Variants in RPE observed in about 807,000 individuals in gnomAD.
RPE encodes the protein ribulose-5-phosphate-3-epimerase, also known as ribulose-phosphate 3-epimerase.
Under a neutral mutation model 24.6 loss-of-function variants are expected in RPE, and 16 were observed. That is an observed-to-expected ratio of 0.65 (90% CI 0.44 to 0.99). RPE has a LOEUF of 0.99. Among genes scored for constraint, RPE ranks in the 50% least tolerant of loss-of-function variants. RPE has a pLI of 0.00. For synonymous variants in RPE, 93 were observed against 98.4 expected (o/e 0.94, Z 0.33); for missense variants, 240 against 294.5 (o/e 0.81, Z 1.35).
At chr2:210,011,661 C>T (rs1036615141) in intron 2 of RPE, among the ~76,000 whole-genome samples, 5 of 151,834 alleles carry the variant, frequency 3.3e-5, no homozygotes, top group African/African-American at 1.2e-4. Context: ...TGGTTTTTCG[C>T]TTTTTGTTGT....
chr2:210,009,931 A>G (rs1163404930), intron 2 of RPE, among the ~76,000 whole-genome samples, 195 bp downstream of exon 2: 1 of 152,230 alleles, frequency 6.6e-6, no homozygotes, highest in Non-Finnish European at 1.5e-5. Flanking sequence ...ATGGAAAGGT[A>G]GTAGCTTGGC....
chr2:210,014,255 A>AT (rs1214956358), intron 2 of RPE, among the ~76,000 whole-genome samples: 1 of 151,594 alleles, frequency 6.6e-6, no homozygotes, highest in African/African-American at 2.4e-5. Context: ...CGCCCAGCTA[A>AT]TTTTTTTGTA....
At chr2:210,019,536 C>A in intron 5 of RPE, 133 bp from the exon 6 acceptor site, 2 of 1,076,920 alleles carry the variant, frequency 1.9e-6, no homozygotes, top group Non-Finnish European at 2.6e-6. Flanking sequence ...CTTAAGTCTG[C>A]TTAATCTCAA....
At chr2:210,009,530 TGA>T in intron 1 of RPE, 125 bp from the exon 2 acceptor site, 1 of 1,287,640 alleles carries the variant, frequency 7.8e-7, no homozygotes, top group Non-Finnish European at 1.1e-6. Context: ...TATTTAATAC[TGA>T]TGATTAAGTA....
intron 1 of RPE, among the ~76,000 whole-genome samples, chr2:210,004,723 G>T (rs1481068317): frequency 6.6e-6 from 1 of 152,118 alleles, no homozygotes; most frequent in Non-Finnish European, 1.5e-5. Flanking sequence ...TGCTGGAAAA[G>T]CACCATAAGG....
At chr2:210,003,580 G>C in intron 1 of RPE, 1 of 542,288 alleles carries the variant, frequency 1.8e-6, no homozygotes, top group Non-Finnish European at 3.0e-6. Context: ...AAAGCAGTAA[G>C]ACTCCCTCAA....
At chr2:210,018,342 A>C in intron 5 of RPE, 1 of 1,411,686 alleles carries the variant, frequency 7.1e-7, no homozygotes, top group Non-Finnish European at 9.2e-7. Flanking sequence ...TTTGATGAAA[A>C]TCTAGGCCTG....
intron 1 of RPE, 42 bp from the exon 2 acceptor site, chr2:210,009,615 G>T: frequency 2.5e-6 from 4 of 1,612,670 alleles, no homozygotes; most frequent in Non-Finnish European, 3.4e-6. Context: ...TACAGAAACT[G>T]AATTGAAAAC....
chr2:210,005,723 T>C (rs2093622348), intron 1 of RPE, among the ~76,000 whole-genome samples: 1 of 152,176 alleles, frequency 6.6e-6, no homozygotes, highest in Non-Finnish European at 1.5e-5. Flanking sequence ...AGCCTCACCT[T>C]TAGTCATGTG....
chr2:210,008,006 TGGTG>T (rs2093652588), intron 1 of RPE, among the ~76,000 whole-genome samples: 1 of 152,226 alleles, frequency 6.6e-6, no homozygotes, highest in Non-Finnish European at 1.5e-5. Context: ...ACTCACAGTC[TGGTG>T]GTGAGAGTCA....
At chr2:210,019,580 G>T in intron 5 of RPE, 89 bp from the exon 6 acceptor site, 1 of 1,464,168 alleles carries the variant, frequency 6.8e-7, no homozygotes, top group South Asian at 1.4e-5. Flanking sequence ...GTTGACAGAT[G>T]CAAGGGTAGA....
chr2:210,016,302 C>T (rs1229343824), intron 3 of RPE, 190 bp downstream of exon 3: 1 of 1,601,992 alleles, frequency 6.2e-7, no homozygotes, highest in South Asian at 1.1e-5. Context: ...GCTATGATGC[C>T]AGGATTTAAC....
intron 2 of RPE, among the ~76,000 whole-genome samples, chr2:210,013,346 G>C (rs991579041): frequency 8.1e-5 from 11 of 136,342 alleles, no homozygotes; most frequent in Non-Finnish European, 1.4e-4. Context: ...GTCTTGCTCT[G>C]TCACCCAGGC....
rs1559472413 is a variant in RPE, at chr2:210,002,928, G to C, written c.122+145G>C. The C allele has an allele frequency of 2.7e-6, 4 of 1,492,314 alleles. No individual in the cohort carries two copies. The East Asian group carries it at 6.9e-5, about 26-fold the overall frequency. 92.4% of individuals were successfully genotyped at this position (1,492,314 alleles called of 1,614,324 possible). A position where few individuals can be genotyped will look rare whatever the true frequency, so the allele number is the denominator to read the frequency against. On this transcript the variant is annotated intron_variant, in intron 1 of 5. Coordinates refer to ENST00000359429, the MANE Select transcript of RPE (RefSeq NM_199229.3). ...ATGCTAGAAGGGGTGTGGGGTAGGAGCCCTGGAGGCTCTAGCAGGAGCAGA... is the reference window on the plus strand; with the variant it reads ...ATGCTAGAAGGGGTGTGGGGTAGGACCCCTGGAGGCTCTAGCAGGAGCAGA...
Position 210,009,707 on chromosome 2 carries a change from G to A in RPE, c.173G>A (p.Arg58Gln). Residue 58 changes from arginine (R) to glutamine (Q), a missense_variant, in exon 2 of 6, where the codon CGA becomes CAA. Coordinates refer to ENST00000359429, the MANE Select transcript of RPE (RefSeq NM_199229.3). ...GGTCACCCTGTGGTAGAAAGCCTTC[G>A]AAAGCAGCTAGGCCAGGACCCTTTC... ...TFGHPVVESLRKQLGQDPFFD... is the reference protein window; with the variant it reads ...TFGHPVVESLQKQLGQDPFFD... 8.1e-6 allele frequency: 13 copies of A among 1,614,094 alleles called. No homozygotes were observed. The highest frequency in any genetic ancestry group is 4.5e-5 in the East Asian group (2 of 44,872).
chr2:210,010,641 A>C (rs1027194982), intron 2 of RPE, among the ~76,000 whole-genome samples: 2 of 152,188 alleles, frequency 1.3e-5, no homozygotes, highest in African/African-American at 4.8e-5. Flanking sequence ...GACCAGTTTT[A>C]TGAAGGACTC....
At chr2:210,016,770 A>G in intron 4 of RPE, 129 bp downstream of exon 4, 5 of 1,220,998 alleles carry the variant, frequency 4.1e-6, no homozygotes, top group East Asian at 2.4e-5. Context: ...CTTACAGATC[A>G]TTCTAATACA....
At chr2:210,017,811 C>A (rs1211146652) in intron 5 of RPE, 1 of 555,916 alleles carries the variant, frequency 1.8e-6, no homozygotes, top group Non-Finnish European at 3.2e-6. Flanking sequence ...GTGGCGTGAT[C>A]TCTGCTCACT....
At chr2:210,015,068 T>TA (rs1349769030) in intron 2 of RPE, among the ~76,000 whole-genome samples, 1 of 152,202 alleles carries the variant, frequency 6.6e-6, no homozygotes, top group African/African-American at 2.4e-5. Context: ...TCCTTCCCCC[T>TA]AAATTTGTTC....
Sources: gnomAD v4.1 joint callset for allele counts (sites outside exome capture counted in the v4.1 genomes callset) on GRCh38, gnomAD v4.1.1 for gene constraint, MANE v1.5 for transcripts, NCBI Gene and HGNC (gene_info 2026-07-23, HGNC 2026-07-21) for gene names.